Variants in ADAT1 observed in about 807,000 individuals in gnomAD.
ADAT1 encodes adenosine deaminase tRNA specific 1.
A neutral mutation model predicts 58.6 loss-of-function variants in ADAT1; 58 were observed. The observed-to-expected ratio is 0.99, with a 90% confidence interval of 0.80 to 1.23. The LOEUF (loss-of-function observed/expected upper bound fraction) is 1.23, where lower values mean the gene tolerates loss of function less well. Ranked by LOEUF, ADAT1 falls within the 50% of genes most tolerant of loss-of-function variation. The pLI is 0.00. For synonymous variants in ADAT1, 254 were observed against 220.8 expected (o/e 1.15, Z -1.33); for missense variants, 741 against 608.6 (o/e 1.22, Z -2.29).
intron 6 of ADAT1, among the ~76,000 whole-genome samples, chr16:75,609,633 T>C (rs77605375): frequency 0.013 from 1,991 of 152,316 alleles, 53 homozygotes; most frequent in African/African-American, 0.044. Flanking sequence ...GGTAATGTAA[T>C]TTAAGGAATT....
intron 8 of ADAT1, among the ~76,000 whole-genome samples, chr16:75,603,742 T>C (rs1483651972): frequency 6.6e-6 from 1 of 152,224 alleles, no homozygotes; most frequent in Non-Finnish European, 1.5e-5. Flanking sequence ...CACCCAGACC[T>C]TCGTGGTTGC....
At chr16:75,619,099 G>C (rs1446863200) in intron 3 of ADAT1, among the ~76,000 whole-genome samples, 3 of 152,218 alleles carry the variant, frequency 2.0e-5, no homozygotes, top group African/African-American at 4.8e-5. Flanking sequence ...TTGTGCTCAT[G>C]GTGGTACAAT....
rs749148180 is a variant in ADAT1, at chr16:75,612,253, G to C, written c.1033C>G (p.Leu345Val). Residue 345 changes from leucine to valine, a missense_variant, in exon 6 of 10, where the codon CTG becomes GTG. Coordinates refer to ENST00000564657, the MANE Select transcript of ADAT1 (RefSeq NM_001324445.2). ...TCCCTACCCTCTCACCTTCCAATCAGTGCTCTCTGCATGGCTTCCTGGCTG... is the reference window on the plus strand; with the variant it reads ...TCCCTACCCTCTCACCTTCCAATCACTGCTCTCTGCATGGCTTCCTGGCTG... ...PYSQEAMQRA[L>V]IGRCQNVSAL... 6.2e-7 allele frequency: 1 copy of C among 1,613,750 alleles called. No homozygotes were observed. The highest frequency in any genetic ancestry group is 1.3e-5 in the African/African-American group (1 of 74,904).
intron 6 of ADAT1, among the ~76,000 whole-genome samples, chr16:75,611,770 A>T (rs953439491): frequency 6.6e-6 from 1 of 151,424 alleles, no homozygotes; most frequent in Non-Finnish European, 1.5e-5. Flanking sequence ...CTTTAAAAAA[A>T]TTATTAGCCG....
chr16:75,605,315 C>T (rs1275319171), intron 8 of ADAT1, among the ~76,000 whole-genome samples: 1 of 152,124 alleles, frequency 6.6e-6, no homozygotes, highest in African/African-American at 2.4e-5. Context: ...TCTTGAACTC[C>T]TGACCTCAGG....
chr16:75,615,017 G>T (rs1347798250), intron 5 of ADAT1, among the ~76,000 whole-genome samples: 11 of 152,020 alleles, frequency 7.2e-5, no homozygotes, highest in Non-Finnish European at 1.5e-4. Flanking sequence ...TTGAGGTCAG[G>T]AGTTCGAGAC....
intron 6 of ADAT1, among the ~76,000 whole-genome samples, chr16:75,611,610 G>T (rs976863573): frequency 6.6e-6 from 1 of 151,902 alleles, no homozygotes; most frequent in Non-Finnish European, 1.5e-5. Context: ...TAGAACTTCT[G>T]TGCTCAAGCA....
At position 75,599,188 on chromosome 16, in the gene ADAT1, T is replaced by A; in HGVS notation, c.*1028A>T. On this transcript the variant is annotated 3_prime_UTR_variant, in exon 10 of 10. Coordinates refer to ENST00000564657, the MANE Select transcript of ADAT1 (RefSeq NM_001324445.2). ...CCTCCGCCTCCTGGGTTCAAGCAAT[T>A]CTCCTGCCTCAGCCTCCCGAGTAGC... The A allele has an allele frequency of 2.2e-6, 2 of 915,048 alleles. No homozygotes were observed. Among genetic ancestry groups the A allele is most frequent in the Non-Finnish European group, 2.6e-6 (2 of 767,964 alleles). 56.7% of individuals were successfully genotyped at this position (915,048 alleles called of 1,614,324 possible). A position where few individuals can be genotyped will look rare whatever the true frequency, so the allele number is the denominator to read the frequency against.
At chr16:75,607,512 A>G (rs2081402791) in intron 8 of ADAT1, among the ~76,000 whole-genome samples, 1 of 152,022 alleles carries the variant, frequency 6.6e-6, no homozygotes, top group Non-Finnish European at 1.5e-5. Flanking sequence ...AAAAAAAAAA[A>G]AAAAAGACTG....
At chr16:75,611,047 G>A (rs1300481545) in intron 6 of ADAT1, among the ~76,000 whole-genome samples, 2 of 152,132 alleles carry the variant, frequency 1.3e-5, no homozygotes, top group African/African-American at 4.8e-5. Flanking sequence ...TCAGGAACTG[G>A]AGGCTGTAGT....
Position 75,623,058 on chromosome 16 carries a change from C to T in ADAT1, c.-677G>A, listed in dbSNP as rs2081980986. 2 of 125,428 alleles carry T rather than the reference C, an allele frequency of 1.6e-5. No homozygotes were observed. 7.8% of individuals were successfully genotyped at this position (125,428 alleles called of 1,614,324 possible). A position where few individuals can be genotyped will look rare whatever the true frequency, so the allele number is the denominator to read the frequency against. ...TGCGGCTGCCAGGCCAGAGGCCCCG[C>T]GCCAGGAGCTCTTCAGGCGCCGGCT... On this transcript the variant is annotated 5_prime_UTR_variant, in exon 1 of 10. Coordinates refer to ENST00000564657, the MANE Select transcript of ADAT1 (RefSeq NM_001324445.2).
intron 1 of ADAT1, among the ~76,000 whole-genome samples, chr16:75,621,272 T>C (rs1366105038): frequency 6.6e-6 from 1 of 151,732 alleles, no homozygotes; most frequent in Non-Finnish European, 1.5e-5. Context: ...TTTATTTTTC[T>C]CCTTTCCCCT....
Position 75,620,684 on chromosome 16 carries a change from T to G in ADAT1, c.116A>C (p.Lys39Thr). Residue 39 changes from lysine to threonine, a missense_variant, in exon 2 of 10, where the codon AAG becomes ACG. Physicochemically the swap from Lys to Thr is moderately conservative, Grantham distance 78. Coordinates refer to ENST00000564657, the MANE Select transcript of ADAT1 (RefSeq NM_001324445.2). ...GGCCTTGTCAGCTGGAGATTGTATC[T>G]TCACCACCGCTGCCAATAATGTCCA... ...HEWTLLAAVV[K>T]IQSPADKACD... 6.2e-7 allele frequency: 1 copy of G among 1,614,038 alleles called. No individual in the cohort carries two copies. The highest frequency in any genetic ancestry group is 8.5e-7 in the Non-Finnish European group (1 of 1,180,026).
Position 75,608,878 on chromosome 16 carries a change from G to A in ADAT1, c.1154C>T (p.Ala385Val). Residue 385 changes from alanine to valine, a missense_variant, in exon 7 of 10, where the codon GCT (alanine) becomes GTT (valine). Ala to Val is a moderately conservative substitution (Grantham distance 64, BLOSUM62 0). Transcript: ENST00000564657. ...AGGAACAAGTCGACCTGGGCTATCAGCCCTTTTTGCCTGCACCGCACTGCG... is the reference window on the plus strand; with the variant it reads ...AGGAACAAGTCGACCTGGGCTATCAACCCTTTTTGCCTGCACCGCACTGCG... ...QSRSAVQAKR[A>V]DSPGRLVPCG... 1.2e-6 allele frequency: 2 copies of A among 1,614,130 alleles called. No individual in the cohort carries two copies. Among genetic ancestry groups the A allele is most frequent in the Non-Finnish European group, 8.5e-7 (1 of 1,180,004 alleles).
At chr16:75,606,647 A>G (rs912973805) in intron 8 of ADAT1, among the ~76,000 whole-genome samples, 4 of 152,242 alleles carry the variant, frequency 2.6e-5, no homozygotes, top group Non-Finnish European at 4.4e-5. Context: ...TCAAGTCTTC[A>G]GATGACTGCA....
Position 75,597,919 on chromosome 16 carries a change from T to C in ADAT1, c.*2297A>G, listed in dbSNP as rs1047059351. Among the ~76,000 whole-genome samples, 1 of 152,164 alleles carries C rather than the reference T, an allele frequency of 6.6e-6. No homozygotes were observed. Among genetic ancestry groups the C allele is most frequent in the Non-Finnish European group, 1.5e-5 (1 of 68,034 alleles). ...ACTTCAAGTGCTCACCTGTTACTTA[T>C]CTCCTGCTGTGTGACCTTGTTCCTG... On this transcript the variant is annotated 3_prime_UTR_variant, in exon 10 of 10. Transcript: ENST00000564657.
chr16:75,615,225 C>T (rs1184932224), intron 5 of ADAT1, among the ~76,000 whole-genome samples: 1 of 150,026 alleles, frequency 6.7e-6, no homozygotes, highest in East Asian at 1.9e-4. Context: ...TAAAAAAAAA[C>T]TCTCATTTCC....
At chr16:75,615,498 A>AAAAAAAAAAAAAAAAAAAAAAAAAAAC (rs2081676464) in intron 5 of ADAT1, among the ~76,000 whole-genome samples, 1 of 146,926 alleles carries the variant, frequency 6.8e-6, no homozygotes, top group Non-Finnish European at 1.5e-5. Context: ...AAAAAAAAAA[A>AAAAAAAAAAAAAAAAAAAAAAAAAAAC]AAAAAAAAAA....
chr16:75,600,707 C>CACA (rs61253728), intron 9 of ADAT1, among the ~76,000 whole-genome samples: 72,180 of 151,828 alleles, frequency 0.48, 19,833 homozygotes, highest in East Asian at 0.87. Flanking sequence ...GGCAGCTCCT[C>CACA]ACTTTACTCA....
Sources: allele counts gnomAD v4.1 joint callset (sites outside exome capture counted in the v4.1 genomes callset), GRCh38; gene constraint gnomAD v4.1.1; transcripts MANE v1.5; gene names NCBI Gene and HGNC (gene_info 2026-07-23, HGNC 2026-07-21).